LRRC75A: variants seen among roughly 807,000 people sequenced by gnomAD.
The protein encoded by LRRC75A is leucine rich repeat containing 75A, also known as leucine-rich repeat-containing protein 75A.
A neutral mutation model predicts 26.0 loss-of-function variants in LRRC75A; 12 were observed. The observed-to-expected ratio is 0.46, with a 90% confidence interval of 0.30 to 0.75. The LOEUF (loss-of-function observed/expected upper bound fraction) is 0.75, where lower values mean the gene tolerates loss of function less well. LRRC75A is among the 30% of genes least tolerant of loss of function. LRRC75A has a pLI of 0.08. For missense variants in LRRC75A, 410 were observed against 486.6 expected (o/e 0.84, Z 1.48); for synonymous variants, 223 against 219.3 (o/e 1.02, Z -0.15).
chr17:16,462,141 GGGC>G lies in LRRC75A; in HGVS notation c.375+114_375+116del. ...CTCAAGCTCTTGGTGCCTGGAGGAC[GGGC>G]TTGTCCTCCTTGGGCCTGTCTGCCA... On this transcript the variant is annotated intron_variant, in intron 2 of 3. Coordinates refer to ENST00000470794, the MANE Select transcript of LRRC75A (RefSeq NM_001113567.3). This position sits in a 1 kb window ranked among gnomAD's most constrained non-coding sequence, Gnocchi z 4.6. 1 of 1,300,528 alleles carries G rather than the reference GGGC, an allele frequency of 7.7e-7. No individual in the cohort carries two copies. The highest frequency in any genetic ancestry group is 1.1e-6 in the Non-Finnish European group (1 of 949,494). 80.6% of individuals were successfully genotyped at this position (1,300,528 alleles called of 1,614,324 possible). A position where few individuals can be genotyped will look rare whatever the true frequency, so the allele number is the denominator to read the frequency against.
intron 2 of LRRC75A, among the ~76,000 whole-genome samples, chr17:16,450,458 C>A (rs750972121): frequency 1.8e-4 from 28 of 152,222 alleles, no homozygotes; most frequent in Non-Finnish European, 2.9e-4. Flanking sequence ...CTTCCTGGTG[C>A]CTGGCTGTCT....
intron 2 of LRRC75A, among the ~76,000 whole-genome samples, chr17:16,461,527 C>T (rs1394872457): frequency 1.3e-5 from 2 of 152,252 alleles, no homozygotes; most frequent in Non-Finnish European, 2.9e-5. Context: ...GGCAGAACCT[C>T]CCATCCAGGC....
intron 2 of LRRC75A, chr17:16,461,245 G>C (rs1034073634): frequency 6.6e-6 from 1 of 152,320 alleles, no homozygotes; most frequent in African/African-American, 2.4e-5. Context: ...CCGAGCGACA[G>C]GTGGGCTTGG....
At chr17:16,475,670 G>C (rs2093817919) in intron 1 of LRRC75A, among the ~76,000 whole-genome samples, 1 of 152,166 alleles carries the variant, frequency 6.6e-6, no homozygotes, top group Admixed American at 6.5e-5. Context: ...CGCTATTTGG[G>C]AGGCTGATCC....
intron 1 of LRRC75A, among the ~76,000 whole-genome samples, chr17:16,474,977 C>T (rs1328845828): frequency 2.1e-5 from 3 of 143,626 alleles, no homozygotes; most frequent in African/African-American, 5.3e-5. Flanking sequence ...GCCTGGGCAA[C>T]GGTGCAAGAC....
intron 2 of LRRC75A, among the ~76,000 whole-genome samples, chr17:16,450,666 CTG>C (rs1291022955): frequency 1.3e-5 from 2 of 152,198 alleles, no homozygotes; most frequent in East Asian, 1.9e-4. Flanking sequence ...GGCCACATGA[CTG>C]TGTGGAGGGA....
intron 3 of LRRC75A, among the ~76,000 whole-genome samples, chr17:16,446,478 A>G (rs1203534439): frequency 6.6e-6 from 1 of 152,188 alleles, no homozygotes; most frequent in Non-Finnish European, 1.5e-5. Flanking sequence ...GAGGGCACAA[A>G]GGCCCTGAGG....
At chr17:16,473,284 A>G (rs1429321912) in intron 1 of LRRC75A, among the ~76,000 whole-genome samples, 1 of 152,168 alleles carries the variant, frequency 6.6e-6, no homozygotes, top group Non-Finnish European at 1.5e-5. Flanking sequence ...CACACTGCTC[A>G]GGCTTGGAAG....
chr17:16,453,246 G>A (rs191080078), intron 2 of LRRC75A, among the ~76,000 whole-genome samples: 255 of 152,168 alleles, frequency 1.7e-3, no homozygotes, highest in Non-Finnish European at 2.8e-3. Context: ...CCGAGATCGC[G>A]CCACTGAACT....
intron 2 of LRRC75A, among the ~76,000 whole-genome samples, chr17:16,449,192 A>G (rs112919205): frequency 2.0e-5 from 3 of 152,312 alleles, no homozygotes; most frequent in African/African-American, 4.8e-5. Flanking sequence ...AACCACGCAC[A>G]GTGCTCAGCA....
At chr17:16,470,070 T>C (rs2093798651) in intron 1 of LRRC75A, among the ~76,000 whole-genome samples, 1 of 152,112 alleles carries the variant, frequency 6.6e-6, no homozygotes, top group Non-Finnish European at 1.5e-5. Flanking sequence ...GTGAGGAGGC[T>C]CCTCTCAGAC....
At chr17:16,481,735 C>A (rs991067532) in intron 1 of LRRC75A, among the ~76,000 whole-genome samples, 10 of 152,146 alleles carry the variant, frequency 6.6e-5, no homozygotes, top group African/African-American at 1.9e-4. Context: ...TGTCCTCATC[C>A]TGCATCTGAG....
intron 2 of LRRC75A, among the ~76,000 whole-genome samples, chr17:16,449,014 C>G (rs1047893219): frequency 1.3e-5 from 2 of 152,232 alleles, no homozygotes; most frequent in Non-Finnish European, 1.5e-5. Flanking sequence ...TCGTGCTGGA[C>G]AGGGTGAGGG....
chr17:16,489,279 C>T (rs1396390924), intron 1 of LRRC75A, among the ~76,000 whole-genome samples: 1 of 152,164 alleles, frequency 6.6e-6, no homozygotes, highest in African/African-American at 2.4e-5. Context: ...GAGGTGAGGG[C>T]TACTGTCCTC....
chr17:16,448,257 G>A (rs1309415927), intron 2 of LRRC75A: 18 of 401,662 alleles, frequency 4.5e-5, no homozygotes, highest in Non-Finnish European at 5.8e-5. Context: ...TGACCCCCTG[G>A]CCAAGACTCA....
intron 2 of LRRC75A, among the ~76,000 whole-genome samples, chr17:16,457,986 CA>C (rs949892175): frequency 2.0e-5 from 3 of 151,344 alleles, no homozygotes; most frequent in Admixed American, 2.0e-4. Context: ...AACAAACAAA[CA>C]AACAAATACA....
At chr17:16,451,808 G>A (rs1449180947) in intron 2 of LRRC75A, among the ~76,000 whole-genome samples, 8 of 149,890 alleles carry the variant, frequency 5.3e-5, no homozygotes, top group East Asian at 2.1e-4. Flanking sequence ...GTAGTGGCGC[G>A]ATCTTGGCTC....
chr17:16,472,709 A>G (rs2093810490), intron 1 of LRRC75A, among the ~76,000 whole-genome samples: 1 of 152,204 alleles, frequency 6.6e-6, no homozygotes, highest in Non-Finnish European at 1.5e-5. Context: ...TCCCCATTTA[A>G]AACGGGTAAT....
chr17:16,476,209 A>ATAC (rs1280746420), intron 1 of LRRC75A, among the ~76,000 whole-genome samples: 6 of 150,692 alleles, frequency 4.0e-5, no homozygotes, highest in African/African-American at 1.5e-4. Flanking sequence ...AATAATAATA[A>ATAC]TAATAAAAAT....
Sources: gnomAD v4.1 joint callset for allele counts (sites outside exome capture counted in the v4.1 genomes callset) on GRCh38, gnomAD v4.1.1 for gene constraint, Gnocchi (gnomAD v3.1) non-coding constraint, MANE v1.5 for transcripts, NCBI Gene and HGNC (gene_info 2026-07-23, HGNC 2026-07-21) for gene names.